The following SLC44A1 variants were observed in gnomAD, a reference collection of about 807,000 sequenced individuals.
SLC44A1 encodes the protein solute carrier family 44 member 1.
SLC44A1 carries 26 observed loss-of-function variants against 79.3 expected under a neutral mutation model. The ratio of observed to expected loss-of-function variants is 0.33; its 90% CI spans 0.24 to 0.46. SLC44A1 has a LOEUF of 0.46. SLC44A1 is among the 20% of genes least tolerant of loss of function. The pLI is 1.00. For missense variants in SLC44A1, 688 were observed against 798.1 expected (o/e 0.86, Z 1.66); for synonymous variants, 263 against 286.2 (o/e 0.92, Z 0.82).
At chr9:105,403,522 T>C (rs1388413739) in intron 15 of SLC44A1, among the ~76,000 whole-genome samples, 1 of 151,608 alleles carries the variant, frequency 6.6e-6, no homozygotes, top group African/African-American at 2.4e-5. Flanking sequence ...TCTTCATTTA[T>C]TTCGGATACA....
At chr9:105,347,494 G>C (rs1827276500) in intron 4 of SLC44A1, among the ~76,000 whole-genome samples, 1 of 151,796 alleles carries the variant, frequency 6.6e-6, no homozygotes, top group African/African-American at 2.4e-5. Context: ...GATGTATATT[G>C]GATTTAGTGG....
intron 15 of SLC44A1, among the ~76,000 whole-genome samples, chr9:105,430,358 ACTAAG>A (rs1829377118): frequency 2.0e-5 from 3 of 152,230 alleles, no homozygotes; most frequent in East Asian, 3.8e-4. Context: ...AAGCTGTGCA[ACTAAG>A]ACCACCACGT....
chr9:105,271,316 T>C (rs1588717826), intron 1 of SLC44A1, among the ~76,000 whole-genome samples: 2 of 152,258 alleles, frequency 1.3e-5, no homozygotes, highest in Admixed American at 1.3e-4. Flanking sequence ...ATTTATCTTA[T>C]TGCTCCTCTG....
intron 1 of SLC44A1, among the ~76,000 whole-genome samples, chr9:105,298,769 G>C (rs934800093): frequency 3.9e-5 from 6 of 152,122 alleles, no homozygotes; most frequent in African/African-American, 1.4e-4. Flanking sequence ...CTAGCATTAA[G>C]AGTGAAGTTG....
rs115475439 is a variant in SLC44A1 at position 105,420,033 on chromosome 9, G to A, written c.1951-18248G>A. Among the ~76,000 whole-genome samples, 543 of 152,046 alleles carry A rather than the reference G, an allele frequency of 3.6e-3. 1 individual carries two copies. Among genetic ancestry groups the A allele is most frequent in the African/African-American group, 0.013 (522 of 41,474 alleles). Reference sequence around the variant, plus strand: ...GCAGTGCTCCTTGCCCTGTCTTCTGGAACAGCAAGTGCCTATGCCGTTCAG... The same window carrying A: ...GCAGTGCTCCTTGCCCTGTCTTCTGAAACAGCAAGTGCCTATGCCGTTCAG... On this transcript the variant is annotated intron_variant, in intron 15 of 15. Coordinates refer to the SLC44A1 transcript ENST00000374724.
At chr9:105,307,123 C>G (rs1262265583) in intron 2 of SLC44A1, among the ~76,000 whole-genome samples, 2 of 152,164 alleles carry the variant, frequency 1.3e-5, no homozygotes, top group East Asian at 1.9e-4. Context: ...TGCCATGTAC[C>G]AGACATTCAG....
intron 2 of SLC44A1, among the ~76,000 whole-genome samples, chr9:105,307,496 T>C (rs1048202368): frequency 6.6e-6 from 1 of 152,132 alleles, no homozygotes; most frequent in Admixed American, 6.6e-5. Context: ...ATACAAAAAT[T>C]AGCTGCATGT....
chr9:105,278,394 G>A (rs891598571), intron 1 of SLC44A1, among the ~76,000 whole-genome samples: 13 of 152,098 alleles, frequency 8.5e-5, no homozygotes, highest in South Asian at 2.1e-4. Flanking sequence ...GACTACGGGC[G>A]CCCGCCACCA....
At chr9:105,319,882 T>C (rs898282352) in intron 3 of SLC44A1, among the ~76,000 whole-genome samples, 2 of 152,252 alleles carry the variant, frequency 1.3e-5, no homozygotes, top group African/African-American at 4.8e-5. Flanking sequence ...TGTTGAGTTA[T>C]AACTTACATA....
chr9:105,309,576 A>T, intron 2 of SLC44A1, 148 bp from the exon 3 acceptor site: 1 of 668,774 alleles, frequency 1.5e-6, no homozygotes. Context: ...TGTGCAATCC[A>T]AGGAAAACAG....
chr9:105,377,911 G>T (rs1828342793), intron 13 of SLC44A1, among the ~76,000 whole-genome samples: 1 of 152,022 alleles, frequency 6.6e-6, no homozygotes, highest in African/African-American at 2.4e-5. Flanking sequence ...GGTAAGGACT[G>T]TTACAGGTCC....
At chr9:105,334,024 T>G (rs1826833891) in intron 3 of SLC44A1, among the ~76,000 whole-genome samples, 1 of 152,140 alleles carries the variant, frequency 6.6e-6, no homozygotes, top group African/African-American at 2.4e-5. Flanking sequence ...ACGCCCAGGA[T>G]AGAAGAAGGG....
At chr9:105,306,992 T>C (rs1006984036) in intron 2 of SLC44A1, among the ~76,000 whole-genome samples, 2 of 152,172 alleles carry the variant, frequency 1.3e-5, no homozygotes, top group Non-Finnish European at 2.9e-5. Flanking sequence ...CCCCTAGAAA[T>C]TTTTGTTCTA....
chr9:105,335,239 T>G (rs750017200), intron 3 of SLC44A1, among the ~76,000 whole-genome samples: 7 of 152,160 alleles, frequency 4.6e-5, no homozygotes, highest in Non-Finnish European at 1.0e-4. Context: ...AATAATTTTT[T>G]TTGGTACAAG....
chr9:105,361,419 C>T, intron 8 of SLC44A1, 89 bp downstream of exon 8: 3 of 1,236,138 alleles, frequency 2.4e-6, no homozygotes, highest in South Asian at 1.4e-5. Flanking sequence ...CTAGCTTTTG[C>T]ATTCCTAACC....
chr9:105,376,738 T>A (rs1828303922), intron 13 of SLC44A1, among the ~76,000 whole-genome samples: 2 of 152,160 alleles, frequency 1.3e-5, no homozygotes, highest in Admixed American at 1.3e-4. Flanking sequence ...GTGGCAATAT[T>A]TGATGACGAT....
chr9:105,296,762 T>C (rs1830732851), intron 1 of SLC44A1, among the ~76,000 whole-genome samples: 1 of 152,198 alleles, frequency 6.6e-6, no homozygotes. Context: ...TGAACAACTG[T>C]CTTCCAAAAT....
In SLC44A1 at chr9:105,304,944, G is replaced by GTTTTTTTTTGTTTTTTTTTT. The variant is rs1554790127; in HGVS notation, c.127-4771_127-4770insGTTTTTTTTTTTTTTTTTTT. On this transcript the variant is annotated intron_variant, in intron 2 of 15. Transcript: ENST00000374720. ...GTAGTTATTCCCTAGACTTTCTATC[G>GTTTTTTTTTGTTTTTTTTTT]TTTTTTTTTTTTTTTTTTTTTTTTT... Among the ~76,000 whole-genome samples the GTTTTTTTTTGTTTTTTTTTT allele has an allele frequency of 9.0e-4, 18 of 20,086 alleles. 8 individuals carry two copies. Among genetic ancestry groups the GTTTTTTTTTGTTTTTTTTTT allele is most frequent in the East Asian group, 3.9e-3 (2 of 512 alleles). 13.2% of individuals were successfully genotyped at this position (20,086 alleles called of 152,430 possible). A position where few individuals can be genotyped will look rare whatever the true frequency, so the allele number is the denominator to read the frequency against.
chr9:105,374,518 T>C, intron 12 of SLC44A1, 80 bp from the exon 13 acceptor site: 2 of 1,358,776 alleles, frequency 1.5e-6, no homozygotes, highest in Non-Finnish European at 1.0e-6. Flanking sequence ...TTAAAAGCTA[T>C]GTTTTAGCTA....
Sources: allele counts gnomAD v4.1 joint callset (sites outside exome capture counted in the v4.1 genomes callset), GRCh38; gene constraint gnomAD v4.1.1; transcripts MANE v1.5; gene names NCBI Gene and HGNC (gene_info 2026-07-23, HGNC 2026-07-21).